Variants in FCF1 observed in about 807,000 individuals in gnomAD.
The protein encoded by FCF1 is FCF1 rRNA-processing protein.
In FCF1, 17 loss-of-function variants were observed where a neutral mutation model predicts 32.5. The ratio of observed to expected loss-of-function variants is 0.52; its 90% CI spans 0.36 to 0.78. FCF1 has a LOEUF of 0.78. FCF1 is among the 30% of genes least tolerant of loss of function. The pLI is 0.00. For missense variants in FCF1, 201 were observed against 241.1 expected (o/e 0.83, Z 1.10); for synonymous variants, 84 against 78.4 (o/e 1.07, Z -0.38).
At chr14:74,719,129 CAAAAAAAAAAAA>C (rs1167421434) in intron 4 of FCF1, among the ~76,000 whole-genome samples, 7 of 34,304 alleles carry the variant, frequency 2.0e-4, no homozygotes, top group Non-Finnish European at 3.4e-4. Flanking sequence ...GACTCTGTCT[CAAAAAAAAAAAA>C]AAAAAAAAAA....
chr14:74,734,928 T>A lies in FCF1; in HGVS notation c.595T>A (p.Ter199LysextTer25), dbSNP rs1336394440. 4 of 1,613,228 alleles carry A rather than the reference T, an allele frequency of 2.5e-6. No homozygotes were observed. The highest frequency in any genetic ancestry group is 3.4e-6 in the Non-Finnish European group (4 of 1,179,272). The change falls in exon 8 of 8, where the codon TAA (stop) becomes AAA (lysine). Residue 199 changes from the stop codon to lysine, a stop_lost. Coordinates refer to ENST00000341162, the MANE Select transcript of FCF1 (RefSeq NM_015962.5). ...MPDDYGAPRF[*>K] The stretch of plus-strand genomic sequence containing the variant: ...AGATGATTATGGAGCCCCTCGATTC[T>A]AATTCTTACAAGACACAGTTCCTCT...
chr14:74,720,252 TC>T (rs2140024513), intron 4 of FCF1, among the ~76,000 whole-genome samples: 1 of 152,330 alleles, frequency 6.6e-6, no homozygotes, highest in Admixed American at 6.5e-5. Flanking sequence ...TTCAGTGACT[TC>T]TAGTGGATTC....
chr14:74,729,114 CAT>C (rs1234485428), intron 5 of FCF1, among the ~76,000 whole-genome samples: 1 of 152,194 alleles, frequency 6.6e-6, no homozygotes, highest in Non-Finnish European at 1.5e-5. Context: ...ATGCTGGCCT[CAT>C]AAAATGAGTT....
At position 74,736,653 on chromosome 14, in the gene FCF1, C is replaced by T. The variant is rs111732133; in HGVS notation, c.*1723C>T. 2.1e-4 allele frequency: 32 copies of T among 152,228 alleles called. No individual in the cohort carries two copies. Among genetic ancestry groups the T allele is most frequent in the African/African-American group, 7.7e-4 (32 of 41,544 alleles). 9.4% of individuals were successfully genotyped at this position (152,228 alleles called of 1,614,324 possible). A position where few individuals can be genotyped will look rare whatever the true frequency, so the allele number is the denominator to read the frequency against. On this transcript the variant is annotated 3_prime_UTR_variant, in exon 8 of 8. Transcript: ENST00000341162. ...TTATGATATCACTTTGTAACCCATA[C>T]ATTTATACAATTATAAATTGTCAAT... is the stretch of plus-strand genomic sequence containing the variant.
At chr14:74,723,385 C>A in intron 5 of FCF1, 41 bp downstream of exon 5, 2 of 1,345,686 alleles carry the variant, frequency 1.5e-6, no homozygotes, top group Non-Finnish European at 2.1e-6. Context: ...GATTGGTATA[C>A]TGAAGATTCA....
intron 4 of FCF1, among the ~76,000 whole-genome samples, chr14:74,718,534 G>A (rs1283551050): frequency 6.6e-6 from 1 of 151,576 alleles, no homozygotes; most frequent in Non-Finnish European, 1.5e-5. Flanking sequence ...AGTACAGTGG[G>A]GTGATCTCTG....
chr14:74,715,236 A>G (rs1432373006), intron 3 of FCF1, among the ~76,000 whole-genome samples: 1 of 152,172 alleles, frequency 6.6e-6, no homozygotes, highest in Non-Finnish European at 1.5e-5. Context: ...CCAGCAGTTC[A>G]TAAAAGAGAG....
chr14:74,730,815 C>T (rs755226743), intron 5 of FCF1, among the ~76,000 whole-genome samples: 12 of 152,062 alleles, frequency 7.9e-5, no homozygotes, highest in Non-Finnish European at 1.8e-4. Flanking sequence ...GCCTGGCTAA[C>T]ATGGTGAAAC....
chr14:74,730,206 C>CTTTT (rs869067896), intron 5 of FCF1, among the ~76,000 whole-genome samples: 2 of 109,392 alleles, frequency 1.8e-5, no homozygotes, highest in South Asian at 2.9e-4. Context: ...TGTGTATATG[C>CTTTT]TTTTTTTTTT....
intron 5 of FCF1, among the ~76,000 whole-genome samples, chr14:74,729,511 T>C (rs1460292391): frequency 1.3e-5 from 2 of 152,328 alleles, no homozygotes; most frequent in African/African-American, 4.8e-5. Context: ...TTATTAGTCT[T>C]GGTAGCGGTT....
At chr14:74,725,349 G>A (rs138324873) in intron 5 of FCF1, among the ~76,000 whole-genome samples, 2,078 of 150,400 alleles carry the variant, frequency 0.014, 39 homozygotes, top group Admixed American at 0.053. Context: ...GCATGGTGGC[G>A]GGTGCCCATA....
At chr14:74,725,736 C>A (rs1262151328) in intron 5 of FCF1, among the ~76,000 whole-genome samples, 3 of 151,770 alleles carry the variant, frequency 2.0e-5, no homozygotes, top group Non-Finnish European at 2.9e-5. Context: ...AGATCGAGAC[C>A]ATCCTGGCTA....
intron 3 of FCF1, chr14:74,715,717 T>G: frequency 1.2e-6 from 1 of 832,500 alleles, no homozygotes; most frequent in Non-Finnish European, 1.8e-6. Flanking sequence ...CTTTTTTTGT[T>G]TGTTTGTTTT....
At chr14:74,732,324 A>C (rs2090650006) in intron 5 of FCF1, among the ~76,000 whole-genome samples, 1 of 152,146 alleles carries the variant, frequency 6.6e-6, no homozygotes, top group Non-Finnish European at 1.5e-5. Flanking sequence ...TTCACTTACT[A>C]TAAACTGTGT....
At position 74,738,296 on chromosome 14, in the gene FCF1, AC is replaced by A. The variant is rs2090724715; in HGVS notation, c.*3367del. On this transcript the variant is annotated 3_prime_UTR_variant, in exon 8 of 8. Coordinates refer to ENST00000341162, the MANE Select transcript of FCF1 (RefSeq NM_015962.5). ...AGTATTGGGATTATGGGCATGAGCC[AC>A]TGCACCCACCCTAAACTTATTTCTA... 2 of 152,192 alleles carry A rather than the reference AC, an allele frequency of 1.3e-5. No individual in the cohort carries two copies. Among genetic ancestry groups the A allele is most frequent in the African/African-American group, 4.8e-5 (2 of 41,450 alleles). 9.4% of individuals were successfully genotyped at this position (152,192 alleles called of 1,614,324 possible). A position where few individuals can be genotyped will look rare whatever the true frequency, so the allele number is the denominator to read the frequency against.
At chr14:74,714,821 T>G in intron 2 of FCF1, 51 bp from the exon 3 acceptor site, 1 of 1,510,732 alleles carries the variant, frequency 6.6e-7, no homozygotes, top group Non-Finnish European at 8.8e-7. Context: ...GAGATTTTAA[T>G]TGCTGTGGTT....
chr14:74,728,406 G>C (rs567308267), intron 5 of FCF1, among the ~76,000 whole-genome samples: 10 of 152,210 alleles, frequency 6.6e-5, no homozygotes, highest in African/African-American at 2.2e-4. Context: ...CTCTCTGTTT[G>C]TCTGTTGTTG....
In FCF1 at chr14:74,718,453, T is replaced by C. The variant is rs966700210; in HGVS notation, c.292+2354T>C. The stretch of plus-strand genomic sequence containing the variant: ...TGGTCCTCTTAAAGAACACATTGCC[T>C]TGTTTCATGATCTCAGTATTAAAAT... On this transcript the variant is annotated intron_variant, in intron 4 of 7. Transcript: ENST00000341162. 4.6e-5 allele frequency among the ~76,000 whole-genome samples: 7 copies of C among 152,162 alleles called. No individual in the cohort carries two copies. In the East Asian group the frequency reaches 1.4e-3, roughly 29 times the overall value.
At chr14:74,714,175 C>T (rs909012513) in intron 2 of FCF1, among the ~76,000 whole-genome samples, 6 of 152,084 alleles carry the variant, frequency 3.9e-5, no homozygotes, top group Non-Finnish European at 5.9e-5. Context: ...CTCAGAAAGC[C>T]GGGCGCAGTG....
Sources: gnomAD v4.1 joint callset for allele counts (sites outside exome capture counted in the v4.1 genomes callset) on GRCh38, gnomAD v4.1.1 for gene constraint, MANE v1.5 for transcripts, NCBI Gene and HGNC (gene_info 2026-07-23, HGNC 2026-07-21) for gene names.